Variants in TOP2A observed in about 807,000 individuals in gnomAD.
TOP2A encodes DNA topoisomerase II alpha.
Under a neutral mutation model 187.2 loss-of-function variants are expected in TOP2A, and 68 were observed. That is an observed-to-expected ratio of 0.36 (90% CI 0.30 to 0.44). The LOEUF is 0.44. Ranked by LOEUF, TOP2A falls within the 20% of genes least tolerant of loss-of-function variation. TOP2A has a pLI of 1.00. For missense variants in TOP2A, 1,196 were observed against 1,808.7 expected, an observed-to-expected ratio of 0.66 and a Z score of 6.14; for synonymous variants, 542 against 593.2, an observed-to-expected ratio of 0.91 and a Z score of 1.25.
Position 40,416,902 on chromosome 17 carries a change from ATT to A in TOP2A, c.22-9_22-8del. On this transcript the variant is annotated splice_region_variant and splice_polypyrimidine_tract_variant and intron_variant, in intron 1 of 34. Transcript: ENST00000423485. ...GCATATTTTCATTTACAGGCTAGCA[ATT>A]AAAAAAAAAGAGAGAAAGAAGGGAA... 6.3e-7 allele frequency: 1 copy of A among 1,579,968 alleles called. No individual in the cohort carries two copies. The highest frequency in any genetic ancestry group is 1.9e-5 in the Admixed American group (1 of 52,362).
chr17:40,404,359 T>C lies in TOP2A; in HGVS notation c.2161+18A>G. The C allele has an allele frequency of 6.2e-7, 1 of 1,605,252 alleles. No homozygotes were observed. The highest frequency in any genetic ancestry group is 1.1e-5 in the South Asian group (1 of 90,258). On this transcript the variant is annotated intron_variant, in intron 18 of 34. Coordinates refer to ENST00000423485, the MANE Select transcript of TOP2A (RefSeq NM_001067.4). ...TTTCCATCTTACAATGAAAACAGAC[T>C]AACAAATTGGAACTCACCATCCACC...
chr17:40,408,999 G>A (rs1172102029), intron 10 of TOP2A: 23 of 394,212 alleles, frequency 5.8e-5, no homozygotes, highest in Non-Finnish European at 1.0e-4. Context: ...GTTTGAGACC[G>A]GCCTGGCCAA....
Position 40,411,094 on chromosome 17 carries a change from C to A in TOP2A, c.1203+15G>T. 6.3e-7 allele frequency: 1 copy of A among 1,584,312 alleles called. No homozygotes were observed. The highest frequency in any genetic ancestry group is 8.5e-7 in the Non-Finnish European group (1 of 1,169,712). ...AGTCAGGTGTTTCTATTTTTATTTTCCTCTAAGTACTCACAGCTTTGATAA... is the reference window on the plus strand; with the variant it reads ...AGTCAGGTGTTTCTATTTTTATTTTACTCTAAGTACTCACAGCTTTGATAA... On this transcript the variant is annotated intron_variant, in intron 10 of 34. Transcript: ENST00000423485. The surrounding 1 kb of genome is among the most constrained non-coding windows in gnomAD (Gnocchi z 4.4).
Position 40,400,022 on chromosome 17 carries a change from A to G in TOP2A, c.3046T>C (p.Leu1016=), listed in dbSNP as rs375612751. 1.2e-6 allele frequency: 2 copies of G among 1,611,874 alleles called. No homozygotes were observed. The highest frequency in any genetic ancestry group is 1.7e-6 in the Non-Finnish European group (2 of 1,179,268). ...VGCLKKYDTV[L]DILRDFFELR... ...TCAAAAAAGTCTCTTAGAATATCCA[A>G]CACCGTGTCATATTTCTTTAAACAG... Residue 1016 remains leucine (L), a synonymous_variant, in exon 24 of 35, where the codon TTG becomes CTG. Coordinates refer to ENST00000423485, the MANE Select transcript of TOP2A (RefSeq NM_001067.4).
chr17:40,404,941 A>C (rs546293115), intron 16 of TOP2A, 58 bp from the exon 17 acceptor site: 83 of 1,021,902 alleles, frequency 8.1e-5, no homozygotes, highest in Non-Finnish European at 1.2e-4. Flanking sequence ...AGGTTCCAAA[A>C]TATCCTTCTA....
At chr17:40,407,446 G>T in intron 13 of TOP2A, 103 bp downstream of exon 13, 3 of 900,156 alleles carry the variant, frequency 3.3e-6, no homozygotes, top group Non-Finnish European at 4.9e-6. Flanking sequence ...GATGAATAAA[G>T]CTCCTATTTA....
At chr17:40,404,922 T>C (rs1313041033) in intron 16 of TOP2A, 39 bp from the exon 17 acceptor site, 9 of 1,180,780 alleles carry the variant, frequency 7.6e-6, no homozygotes, top group Non-Finnish European at 9.7e-6. Flanking sequence ...CTGGTACTAA[T>C]AGGCTAATAG....
chr17:40,395,844 T>C (rs1164938672), intron 28 of TOP2A, among the ~76,000 whole-genome samples: 1 of 151,998 alleles, frequency 6.6e-6, no homozygotes, highest in African/African-American at 2.4e-5. Context: ...GCTGAGATCC[T>C]GCCATTGCAC....
chr17:40,391,724 C>A, intron 32 of TOP2A, 84 bp from the exon 33 acceptor site: 3 of 1,300,670 alleles, frequency 2.3e-6, no homozygotes, highest in South Asian at 3.4e-5. Context: ...GTATGAATTC[C>A]TATTTAAACA....
At chr17:40,414,912 A>G (rs971764998) in intron 4 of TOP2A, among the ~76,000 whole-genome samples, 3 of 151,810 alleles carry the variant, frequency 2.0e-5, no homozygotes, top group Non-Finnish European at 2.9e-5. Flanking sequence ...CTTGCTCTCA[A>G]ATAAAATGCT....
At chr17:40,403,385 G>T (rs1369019786) in intron 19 of TOP2A, among the ~76,000 whole-genome samples, 2 of 152,158 alleles carry the variant, frequency 1.3e-5, no homozygotes, top group African/African-American at 4.8e-5. Context: ...AGCTGTGTGT[G>T]TATTGGCCCT....
Position 40,404,812 on chromosome 17 carries a change from T to C in TOP2A, c.2025A>G (p.Arg675=). 3 of 1,605,150 alleles carry C rather than the reference T, an allele frequency of 1.9e-6. No homozygotes were observed. Among genetic ancestry groups the C allele is most frequent in the Non-Finnish European group, 2.6e-6 (3 of 1,175,016 alleles). Residue 675 remains arginine, a synonymous_variant, in exon 17 of 35, where the codon CGA becomes CGG. Coordinates refer to ENST00000423485, the MANE Select transcript of TOP2A (RefSeq NM_001067.4). ...TTACCTCAGGAAGCCCAAGTAACTT[T>C]CGTTGTCTTCTATCCTCCATGAAAT... ...LTNFMEDRRQ[R]KLLGLPEDYL... is the part of the protein sequence containing the mutation.
At chr17:40,417,005 G>A (rs2035397993) in intron 1 of TOP2A, 110 bp from the exon 2 acceptor site, 2 of 954,254 alleles carry the variant, frequency 2.1e-6, no homozygotes, top group East Asian at 5.1e-5. Context: ...ATTGCAATCT[G>A]TTAGTAGGCA....
intron 10 of TOP2A, among the ~76,000 whole-genome samples, chr17:40,410,290 G>A (rs1417260260): frequency 6.6e-6 from 1 of 152,172 alleles, no homozygotes; most frequent in Non-Finnish European, 1.5e-5. Flanking sequence ...GGATTAGCAT[G>A]TGAATAAACT....
intron 1 of TOP2A, 120 bp downstream of exon 1, chr17:40,417,651 T>C (rs1346270770): frequency 5.8e-6 from 9 of 1,552,928 alleles, no homozygotes; most frequent in Non-Finnish European, 7.0e-6. Context: ...ATGGAGAATA[T>C]GGGCTCCCAA....
chr17:40,405,720 T>G (rs1268216864), intron 16 of TOP2A, among the ~76,000 whole-genome samples: 1 of 150,842 alleles, frequency 6.6e-6, no homozygotes, highest in Non-Finnish European at 1.5e-5. Flanking sequence ...CTGCCCGACT[T>G]AGCCTTCCAA....
At chr17:40,409,307 C>T (rs1385132123) in intron 10 of TOP2A, 5 of 342,062 alleles carry the variant, frequency 1.5e-5, no homozygotes, top group East Asian at 8.6e-5. Context: ...ACCTGGGAGG[C>T]GCGGGTTGCA....
At chr17:40,413,376 A>G (rs1032511324) in intron 5 of TOP2A, 84 bp from the exon 6 acceptor site, 4 of 1,389,424 alleles carry the variant, frequency 2.9e-6, no homozygotes, top group Non-Finnish European at 3.9e-6. Flanking sequence ...GAGCTATTCA[A>G]TTATAGAGAT....
At chr17:40,415,256 G>A (rs1218160463) in intron 4 of TOP2A, among the ~76,000 whole-genome samples, 4 of 151,950 alleles carry the variant, frequency 2.6e-5, no homozygotes, top group African/African-American at 4.8e-5. Flanking sequence ...GGGTTTCACC[G>A]TGTTAGCCAG....
Sources: gnomAD v4.1 joint callset for allele counts (sites outside exome capture counted in the v4.1 genomes callset) on GRCh38, gnomAD v4.1.1 for gene constraint, Gnocchi (gnomAD v3.1) non-coding constraint, MANE v1.5 for transcripts, NCBI Gene and HGNC (gene_info 2026-07-23, HGNC 2026-07-21) for gene names.